The following TRIM44 variants were observed in gnomAD, a reference collection of about 807,000 sequenced individuals.
The protein encoded by TRIM44 is tripartite motif-containing protein 44.
TRIM44 carries 13 observed loss-of-function variants against 37.4 expected under a neutral mutation model. The ratio of observed to expected loss-of-function variants is 0.35; its 90% confidence interval spans 0.23 to 0.55. The LOEUF (loss-of-function observed/expected upper bound fraction) is 0.55, where lower values mean the gene tolerates loss of function less well. Ranked by LOEUF, TRIM44 falls within the 20% of genes least tolerant of loss-of-function variation. The pLI is 0.89. For synonymous variants in TRIM44, 175 were observed against 157.2 expected (o/e 1.11, Z -0.85); for missense variants, 426 against 437.2 (o/e 0.97, Z 0.23).
In TRIM44 at chr11:35,808,664, A is replaced by G. The variant is rs1037164920; in HGVS notation, c.*2279A>G. On this transcript the variant is annotated 3_prime_UTR_variant, in exon 5 of 5. Coordinates refer to ENST00000299413, the MANE Select transcript of TRIM44 (RefSeq NM_017583.6). The stretch of plus-strand genomic sequence containing the variant: ...CCTCAAGGAAAGCACTTTTGCTTTT[A>G]CTTAGAAAGCGTTTCAGATTTGCTT... 4.6e-5 allele frequency: 7 copies of G among 152,230 alleles called. No individual in the cohort carries two copies. The highest frequency in any genetic ancestry group is 1.0e-4 in the Non-Finnish European group (7 of 68,028). The allele number at this position is 152,230 out of a possible 1,614,324, so 9.4% of individuals were successfully genotyped here.
Position 35,707,425 on chromosome 11 carries a change from T to C in TRIM44, c.748-18499T>C, listed in dbSNP as rs985465020. On this transcript the variant is annotated intron_variant, in intron 2 of 4. Coordinates refer to ENST00000299413, the MANE Select transcript of TRIM44 (RefSeq NM_017583.6). Reference sequence around the variant, plus strand: ...TTGGAAAAAACTACTTTAAAGTTCATATGGAACCAAAAAAGAGCCCGCATC... The same window carrying C: ...TTGGAAAAAACTACTTTAAAGTTCACATGGAACCAAAAAAGAGCCCGCATC... Among the ~76,000 whole-genome samples the C allele has an allele frequency of 4.6e-5, 7 of 152,136 alleles. No homozygotes were observed. The East Asian group carries it at 9.6e-4, about 21-fold the overall frequency.
chr11:35,753,064 C>G (rs2970326), intron 4 of TRIM44, among the ~76,000 whole-genome samples: 87,452 of 151,928 alleles, frequency 0.58, 26,436 homozygotes, highest in South Asian at 0.73. Flanking sequence ...TGCAGAAAAC[C>G]CTGGTTTGGA....
intron 2 of TRIM44, among the ~76,000 whole-genome samples, chr11:35,706,789 A>G (rs941375918): frequency 2.0e-5 from 3 of 151,876 alleles, no homozygotes; most frequent in Admixed American, 6.6e-5. Flanking sequence ...ATCTTTGACA[A>G]ACCCACAGCC....
intron 2 of TRIM44, among the ~76,000 whole-genome samples, chr11:35,686,319 A>T (rs1304772326): frequency 6.6e-6 from 1 of 151,150 alleles, no homozygotes; most frequent in East Asian, 2.0e-4. Context: ...TCACAATTAA[A>T]TAGGGAAAGG....
intron 1 of TRIM44, among the ~76,000 whole-genome samples, chr11:35,669,456 CTTTATTTA>C (rs35954725): frequency 0.05 from 7,482 of 148,352 alleles, 891 homozygotes; most frequent in East Asian, 0.29. Flanking sequence ...AAAGGATCCC[CTTTATTTA>C]TTTATTTATT....
At chr11:35,712,928 G>A (rs1464772803) in intron 2 of TRIM44, among the ~76,000 whole-genome samples, 1 of 152,136 alleles carries the variant, frequency 6.6e-6, no homozygotes, top group East Asian at 1.9e-4. Flanking sequence ...CTCTTTCCCT[G>A]TTAGTTCAAG....
intron 4 of TRIM44, among the ~76,000 whole-genome samples, chr11:35,760,945 C>T (rs1239730705): frequency 1.3e-5 from 2 of 152,132 alleles, no homozygotes; most frequent in Non-Finnish European, 2.9e-5. Context: ...TCTTCCTAAC[C>T]CCTCCCTCAA....
At chr11:35,777,519 T>G (rs548925668) in intron 4 of TRIM44, among the ~76,000 whole-genome samples, 2 of 152,318 alleles carry the variant, frequency 1.3e-5, no homozygotes, top group East Asian at 3.9e-4. Flanking sequence ...GTTATTTTGC[T>G]CGTTAGTTGA....
At chr11:35,702,727 A>G (rs917161657) in intron 2 of TRIM44, among the ~76,000 whole-genome samples, 11 of 152,270 alleles carry the variant, frequency 7.2e-5, no homozygotes, top group Non-Finnish European at 1.3e-4. Context: ...TTTCATTAAC[A>G]ATCAAGTGTC....
At chr11:35,731,648 C>T (rs769398568) in intron 3 of TRIM44, among the ~76,000 whole-genome samples, 1 of 151,874 alleles carries the variant, frequency 6.6e-6, no homozygotes. Flanking sequence ...TTACTTACAT[C>T]ATTTTATAAA....
chr11:35,803,260 C>G (rs1428001399), intron 4 of TRIM44, among the ~76,000 whole-genome samples: 3 of 146,260 alleles, frequency 2.1e-5, no homozygotes, highest in African/African-American at 7.4e-5. Context: ...TGCCTAACAC[C>G]CTTAGTTTAT....
At chr11:35,695,874 C>G (rs1216450872) in intron 2 of TRIM44, among the ~76,000 whole-genome samples, 2 of 150,402 alleles carry the variant, frequency 1.3e-5, no homozygotes, top group Non-Finnish European at 2.9e-5. Context: ...AAAATATAAT[C>G]TGAAGAAGAT....
At position 35,702,210 on chromosome 11, in the gene TRIM44, T is replaced by G. The variant is rs1851797255; in HGVS notation, c.747+16874T>G. Among the ~76,000 whole-genome samples the G allele has an allele frequency of 1.3e-5, 2 of 152,176 alleles. 1 individual carries two copies. Among genetic ancestry groups the G allele is most frequent in the African/African-American group, 4.8e-5 (2 of 41,444 alleles). Reference sequence around the variant, plus strand: ...TTGCCCTTGGTTGGACCCTGTCACCTTTATTCCATTTTTAACCAAGAAGGA... The same window carrying G: ...TTGCCCTTGGTTGGACCCTGTCACCGTTATTCCATTTTTAACCAAGAAGGA... On this transcript the variant is annotated intron_variant, in intron 2 of 4. Transcript: ENST00000299413.
chr11:35,725,525 A>C (rs1301805150), intron 2 of TRIM44, among the ~76,000 whole-genome samples: 1 of 151,992 alleles, frequency 6.6e-6, no homozygotes, highest in Non-Finnish European at 1.5e-5. Flanking sequence ...TAGTAGAGAC[A>C]GGGTTTCCTC....
chr11:35,745,752 C>T (rs1751505462), intron 4 of TRIM44, among the ~76,000 whole-genome samples: 1 of 152,152 alleles, frequency 6.6e-6, no homozygotes, highest in Non-Finnish European at 1.5e-5. Flanking sequence ...TGCACTCACA[C>T]CCACACTCAC....
At chr11:35,726,913 AC>A (rs1367175183) in intron 3 of TRIM44, among the ~76,000 whole-genome samples, 1 of 152,064 alleles carries the variant, frequency 6.6e-6, no homozygotes, top group Non-Finnish European at 1.5e-5. Context: ...TAATCCCAGC[AC>A]TTTGGGAGGC....
intron 1 of TRIM44, among the ~76,000 whole-genome samples, chr11:35,673,471 C>T (rs915196714): frequency 1.3e-5 from 2 of 152,112 alleles, no homozygotes; most frequent in African/African-American, 4.8e-5. Context: ...GTGTTGTTAG[C>T]ATAGATGAAA....
chr11:35,697,602 G>A lies in TRIM44; in HGVS notation c.747+12266G>A, dbSNP rs533077380. ...ATATCTCCTAATGCTATCCCTCCCC[G>A]CTCCCCACACCCCACAACAGTCCCC... is the stretch of plus-strand genomic sequence containing the variant. On this transcript the variant is annotated intron_variant, in intron 2 of 4. Coordinates refer to ENST00000299413, the MANE Select transcript of TRIM44 (RefSeq NM_017583.6). Among the ~76,000 whole-genome samples the A allele has an allele frequency of 1.6e-3, 236 of 147,668 alleles. 1 individual carries two copies. Among genetic ancestry groups the A allele is most frequent in the African/African-American group, 5.9e-3 (227 of 38,766 alleles).
chr11:35,685,310 T>C lies in TRIM44; in HGVS notation c.721T>C (p.Leu241=), dbSNP rs1851562381. 6.2e-7 allele frequency: 1 copy of C among 1,614,196 alleles called. No homozygotes were observed. Among genetic ancestry groups the C allele is most frequent in the African/African-American group, 1.3e-5 (1 of 75,066 alleles). The part of the protein sequence containing the change: ...KAAMIELVER[L]KFKSSDPKVT... ...CGCTATGATCGAATTGGTGGAAAGG[T>C]TGAAGTTCAAGAGCTCAGACCCTAA... The change falls in exon 2 of 5, where the codon TTG becomes CTG. Residue 241 remains leucine (L), a synonymous_variant. Coordinates refer to ENST00000299413, the MANE Select transcript of TRIM44 (RefSeq NM_017583.6).
Sources: gnomAD v4.1 joint callset for allele counts (sites outside exome capture counted in the v4.1 genomes callset) on GRCh38, gnomAD v4.1.1 for gene constraint, MANE v1.5 for transcripts, NCBI Gene and HGNC (gene_info 2026-07-23, HGNC 2026-07-21) for gene names.